The following MMP16 variants were observed in gnomAD, a reference collection of about 807,000 sequenced individuals.
The protein encoded by MMP16 is matrix metalloproteinase-16.
A neutral mutation model predicts 67.8 loss-of-function variants in MMP16; 12 were observed. That is an observed-to-expected ratio of 0.18 (90% CI 0.11 to 0.29). The LOEUF (loss-of-function observed/expected upper bound fraction) is 0.29. Ranked by LOEUF, MMP16 falls within the 10% of genes least tolerant of loss-of-function variation. MMP16 has a pLI of 1.00. For missense variants in MMP16, 475 were observed against 765.7 expected, an observed-to-expected ratio of 0.62 and a Z score of 4.48; for synonymous variants, 249 against 255.9, an observed-to-expected ratio of 0.97 and a Z score of 0.26.
At chr8:88,107,122 G>A (rs1809255745) in intron 6 of MMP16, among the ~76,000 whole-genome samples, 1 of 150,888 alleles carries the variant, frequency 6.6e-6, no homozygotes, top group Non-Finnish European at 1.5e-5. Flanking sequence ...CTGTTCATTT[G>A]TCCCATCTAG....
At chr8:88,264,887 T>G (rs1397029068) in intron 1 of MMP16, among the ~76,000 whole-genome samples, 1 of 152,254 alleles carries the variant, frequency 6.6e-6, no homozygotes, top group Non-Finnish European at 1.5e-5. Flanking sequence ...CAAACATATA[T>G]AGAAAACTAT....
chr8:88,267,432 C>T (rs967500300), intron 1 of MMP16, among the ~76,000 whole-genome samples: 1 of 152,198 alleles, frequency 6.6e-6, no homozygotes, highest in Non-Finnish European at 1.5e-5. Context: ...CCCAAAGGGG[C>T]CTGCTAATAT....
chr8:88,310,859 C>T (rs1009846547), intron 1 of MMP16, among the ~76,000 whole-genome samples: 1 of 152,176 alleles, frequency 6.6e-6, no homozygotes, highest in South Asian at 2.1e-4. Context: ...TATTTCTAGA[C>T]ACAGGAAGAC....
intron 1 of MMP16, among the ~76,000 whole-genome samples, chr8:88,287,787 G>C (rs925196132): frequency 2.6e-4 from 39 of 152,178 alleles, no homozygotes; most frequent in African/African-American, 9.2e-4. Context: ...GGTGCCCAGA[G>C]CTTTGAGTAA....
intron 1 of MMP16, among the ~76,000 whole-genome samples, chr8:88,276,905 T>C (rs1166379274): frequency 1.3e-5 from 2 of 152,156 alleles, no homozygotes; most frequent in Non-Finnish European, 1.5e-5. Context: ...TTCAGTTGAA[T>C]GTATAAATCA....
chr8:88,220,042 C>T (rs1809653938), intron 1 of MMP16, among the ~76,000 whole-genome samples: 2 of 152,062 alleles, frequency 1.3e-5, no homozygotes, highest in African/African-American at 2.4e-5. Context: ...TTACTCACTC[C>T]TCTATCCAGT....
intron 1 of MMP16, among the ~76,000 whole-genome samples, chr8:88,322,173 C>T (rs1811469813): frequency 6.6e-6 from 1 of 151,950 alleles, no homozygotes; most frequent in South Asian, 2.1e-4. Flanking sequence ...AATAAAAAGG[C>T]CTACTGAATT....
intron 1 of MMP16, among the ~76,000 whole-genome samples, chr8:88,201,878 C>A (rs1055253172): frequency 3.3e-5 from 5 of 152,070 alleles, no homozygotes; most frequent in Admixed American, 3.3e-4. Context: ...CATATACTTA[C>A]TGGTTTTAAA....
intron 3 of MMP16, among the ~76,000 whole-genome samples, chr8:88,175,677 T>C (rs1243704332): frequency 1.3e-5 from 2 of 152,198 alleles, no homozygotes; most frequent in African/African-American, 4.8e-5. Flanking sequence ...TTACTTAATT[T>C]TCCCTAAGCT....
intron 4 of MMP16, among the ~76,000 whole-genome samples, chr8:88,129,079 C>T (rs1807984523): frequency 6.6e-6 from 1 of 151,706 alleles, no homozygotes; most frequent in Non-Finnish European, 1.5e-5. Context: ...TATTGAGTTA[C>T]TAGAGTAGGT....
intron 1 of MMP16, among the ~76,000 whole-genome samples, chr8:88,206,401 T>A (rs1340982201): frequency 6.6e-6 from 1 of 152,146 alleles, no homozygotes. Context: ...TCTCCCCATG[T>A]TTGTGTGAGT....
chr8:88,141,641 T>C (rs1233482952), intron 4 of MMP16, among the ~76,000 whole-genome samples: 1 of 152,168 alleles, frequency 6.6e-6, no homozygotes, highest in East Asian at 1.9e-4. Flanking sequence ...AATTCACCTA[T>C]GGCACTTAAC....
At chr8:88,241,805 T>C (rs1372256847) in intron 1 of MMP16, among the ~76,000 whole-genome samples, 1 of 152,086 alleles carries the variant, frequency 6.6e-6, no homozygotes, top group Non-Finnish European at 1.5e-5. Flanking sequence ...GTAATTAGTG[T>C]ATTCATTACT....
At chr8:88,183,208 A>T (rs1427206865) in intron 3 of MMP16, among the ~76,000 whole-genome samples, 1 of 152,200 alleles carries the variant, frequency 6.6e-6, no homozygotes, top group African/African-American at 2.4e-5. Context: ...CTTAAGTGGT[A>T]ATAATGTACT....
chr8:88,316,053 C>G (rs948289609), intron 1 of MMP16, among the ~76,000 whole-genome samples: 2 of 152,208 alleles, frequency 1.3e-5, no homozygotes, highest in Non-Finnish European at 2.9e-5. Flanking sequence ...GGCCCTCACT[C>G]TCTTCAATTC....
At chr8:88,251,821 A>C (rs1810228239) in intron 1 of MMP16, among the ~76,000 whole-genome samples, 1 of 123,816 alleles carries the variant, frequency 8.1e-6, no homozygotes, top group Admixed American at 8.8e-5. Flanking sequence ...ACCCCATCAA[A>C]AAGTGGGCAA....
intron 6 of MMP16, among the ~76,000 whole-genome samples, chr8:88,112,294 T>C (rs764516799): frequency 1.3e-5 from 2 of 151,750 alleles, no homozygotes; most frequent in East Asian, 3.9e-4. Flanking sequence ...CATTCATACA[T>C]AGTGAAATAC....
intron 4 of MMP16, among the ~76,000 whole-genome samples, chr8:88,155,399 T>TG (rs1808491927): frequency 6.6e-6 from 1 of 152,098 alleles, no homozygotes; most frequent in Non-Finnish European, 1.5e-5. Context: ...TCCTGCATAG[T>TG]GATATAAAGA....
chr8:88,245,305 T>C (rs1345681867), intron 1 of MMP16, among the ~76,000 whole-genome samples: 1 of 152,178 alleles, frequency 6.6e-6, no homozygotes, highest in Admixed American at 6.5e-5. Context: ...ACTATAAATA[T>C]TTTAAAGATT....
Sources: gnomAD v4.1 joint callset for allele counts (sites outside exome capture counted in the v4.1 genomes callset) on GRCh38, gnomAD v4.1.1 for gene constraint, MANE v1.5 for transcripts, NCBI Gene and HGNC (gene_info 2026-07-23, HGNC 2026-07-21) for gene names.